Variants in EDDM13 observed in about 807,000 individuals in gnomAD.
EDDM13 encodes epididymal protein 13.
In EDDM13, 24 loss-of-function variants were observed where a neutral mutation model predicts 17.8. That is an observed-to-expected ratio of 1.35 (90% confidence interval 0.98 to 1.90). The LOEUF (loss-of-function observed/expected upper bound fraction) is 1.90, where lower values mean the gene tolerates loss of function less well. Ranked by LOEUF, EDDM13 falls within the 40% of genes most tolerant of loss-of-function variation. The pLI is 0.00. For synonymous variants in EDDM13, 31 were observed against 37.5 expected, an observed-to-expected ratio of 0.83 and a Z score of 0.63; for missense variants, 97 against 100.8, an observed-to-expected ratio of 0.96 and a Z score of 0.16.
intron 12 of EDDM13, 104 bp from the exon 13 acceptor site, chr19:56,301,864 G>C: frequency 8.2e-7 from 1 of 1,214,024 alleles, no homozygotes. Flanking sequence ...GAGGCAGGCA[G>C]AGATGTGAGT....
Position 56,302,009 on chromosome 19 carries a change from C to A in EDDM13, c.337C>A (p.Pro113Thr). ...SGTTPSRKPL[P>T]KRKNTWNFLK... ...CACCACCCCATCCAGGAAACCACTC[C>A]CCAAGAGGAAGAACACGTGGAACTT... is the stretch of plus-strand genomic sequence containing the variant. The change falls in exon 13 of 15, where the codon CCC becomes ACC. Residue 113 changes from proline (P) to threonine (T), a missense_variant. Pro to Thr is a conservative substitution (Grantham distance 38). Transcript: ENST00000649256. The A allele has an allele frequency of 8.1e-7, 1 of 1,232,024 alleles. No homozygotes were observed. Among genetic ancestry groups the A allele is most frequent in the Non-Finnish European group, 1.0e-6 (1 of 988,260 alleles). The allele number at this position is 1,232,024 out of a possible 1,614,324, so 76.3% of individuals were successfully genotyped here. A position where few individuals can be genotyped will look rare whatever the true frequency, so the allele number is the denominator to read the frequency against.
chr19:56,305,975 G>A (rs1200252406), intron 14 of EDDM13, among the ~76,000 whole-genome samples: 4 of 148,586 alleles, frequency 2.7e-5, no homozygotes, highest in South Asian at 4.5e-4. Context: ...GGGGGCAGGA[G>A]AAGGGGGAGG....
At chr19:56,303,102 A>G (rs1209990726) in intron 13 of EDDM13, 1 of 383,246 alleles carries the variant, frequency 2.6e-6, no homozygotes, top group Non-Finnish European at 4.6e-6. Context: ...GAATTAGCCA[A>G]TTGAGGAGGG....
chr19:56,302,578 TCCC>T (rs1241075613), intron 13 of EDDM13, among the ~76,000 whole-genome samples: 1 of 55,698 alleles, frequency 1.8e-5, no homozygotes, highest in Non-Finnish European at 2.9e-5. Context: ...CTTTTCTTCC[TCCC>T]CCTTTTCTTC....
At chr19:56,300,600 T>C (rs1441191207) in intron 12 of EDDM13, among the ~76,000 whole-genome samples, 5 of 152,240 alleles carry the variant, frequency 3.3e-5, no homozygotes, top group East Asian at 3.8e-4. Context: ...AAAAGATTAG[T>C]GTAAACGTTG....
chr19:56,304,706 T>C, intron 13 of EDDM13, 87 bp from the exon 14 acceptor site: 3 of 767,184 alleles, frequency 3.9e-6, no homozygotes, highest in Non-Finnish European at 4.8e-6. Context: ...GAGAGGGGGA[T>C]GGGGAGAAAG....
chr19:56,296,678 T>C (rs961231089), intron 11 of EDDM13, among the ~76,000 whole-genome samples: 1 of 152,158 alleles, frequency 6.6e-6, no homozygotes, highest in Non-Finnish European at 1.5e-5. Context: ...ATAGGTCTGC[T>C]GAAGGCTATT....
chr19:56,281,684 C>A lies in EDDM13; in HGVS notation c.104-9C>A, dbSNP rs2038717636. ...ATTCACTGGCTCCTGGCTCTGCTGC[C>A]CCTTCCAGTCAACTGTAAGTCATAT... On this transcript the variant is annotated splice_polypyrimidine_tract_variant and intron_variant, in intron 2 of 14. Transcript: ENST00000649256. 1.1e-5 allele frequency: 11 copies of A among 985,184 alleles called. No individual in the cohort carries two copies. The South Asian group carries it at 4.7e-4, about 42-fold the overall frequency. The allele number at this position is 985,184 out of a possible 1,614,324, so 61.0% of individuals were successfully genotyped here. A position where few individuals can be genotyped will look rare whatever the true frequency, so the allele number is the denominator to read the frequency against.
chr19:56,296,232 TC>T (rs1398225678), intron 10 of EDDM13, 103 bp from the exon 11 acceptor site: 1 of 152,432 alleles, frequency 6.6e-6, no homozygotes, highest in Non-Finnish European at 1.5e-5. Context: ...GCAGGGCTTC[TC>T]GGAGGAGGAG....
In EDDM13 at chr19:56,295,355, A is replaced by G. The variant is rs572890985; in HGVS notation, c.233-604A>G. Among the ~76,000 whole-genome samples, 3 of 152,216 alleles carry G rather than the reference A, an allele frequency of 2.0e-5. No individual in the cohort carries two copies. The South Asian group carries it at 6.2e-4, about 32-fold the overall frequency. ...ACACCTGTAATCCCAGCACTTTGGG[A>G]GGCTGATGCGGGCGGATCACCTCAG... is the stretch of plus-strand genomic sequence containing the variant. On this transcript the variant is annotated intron_variant, in intron 9 of 14. Coordinates refer to ENST00000649256, the MANE Select transcript of EDDM13 (RefSeq NM_001354658.2).
rs769097415 is a variant in EDDM13, at chr19:56,305,907, G to A, written c.461+1077G>A. On this transcript the variant is annotated intron_variant, in intron 14 of 14. Coordinates refer to ENST00000649256, the MANE Select transcript of EDDM13 (RefSeq NM_001354658.2). Reference sequence around the variant, plus strand: ...AGCCTCCAGGTGAAGGAACTGGCTTGTACGAAGGCCCTGGGGTGGAAAGTG... The same window carrying A: ...AGCCTCCAGGTGAAGGAACTGGCTTATACGAAGGCCCTGGGGTGGAAAGTG... Among the ~76,000 whole-genome samples the A allele has an allele frequency of 2.0e-5, 3 of 151,754 alleles. 1 individual carries two copies. The highest frequency in any genetic ancestry group is 6.6e-5 in the Admixed American group (1 of 15,214).
At chr19:56,280,663 G>A (rs1266355754) in intron 2 of EDDM13, 1 of 152,164 alleles carries the variant, frequency 6.6e-6, no homozygotes, top group Admixed American at 6.5e-5. Flanking sequence ...CAAGATTGAG[G>A]GGTTGGCATC....
intron 2 of EDDM13, among the ~76,000 whole-genome samples, chr19:56,280,358 C>T (rs1004795546): frequency 2.6e-5 from 4 of 152,016 alleles, no homozygotes; most frequent in African/African-American, 9.7e-5. Context: ...ATACTAATGG[C>T]CACTCAGGTT....
intron 9 of EDDM13, chr19:56,295,045 G>A (rs976891437): frequency 2.6e-5 from 4 of 152,270 alleles, no homozygotes; most frequent in Non-Finnish European, 4.4e-5. Context: ...AATGGCCAAC[G>A]GGTACACGGT....
intron 1 of EDDM13, among the ~76,000 whole-genome samples, chr19:56,274,291 T>G (rs1164430383): frequency 6.6e-6 from 1 of 151,874 alleles, no homozygotes; most frequent in Non-Finnish European, 1.5e-5. Context: ...CCATCTCTAC[T>G]AAAAATACAA....
chr19:56,297,240 G>A (rs113977347), intron 11 of EDDM13, among the ~76,000 whole-genome samples: 203 of 152,190 alleles, frequency 1.3e-3, no homozygotes, highest in African/African-American at 4.6e-3. Context: ...GGGACACAGG[G>A]AGACTAACTT....
chr19:56,302,539 C>CTTT (rs2040350750), intron 13 of EDDM13, among the ~76,000 whole-genome samples: 2 of 102,160 alleles, frequency 2.0e-5, no homozygotes, highest in East Asian at 2.7e-4. Flanking sequence ...CCTCTTCTTC[C>CTTT]TCCCCGTTCC....
At chr19:56,301,808 G>A in intron 12 of EDDM13, 160 bp from the exon 13 acceptor site, 1 of 721,910 alleles carries the variant, frequency 1.4e-6, no homozygotes, top group Non-Finnish European at 1.9e-6. Context: ...ACCAAGAAGG[G>A]GGAAGCTGGC....
intron 6 of EDDM13, among the ~76,000 whole-genome samples, chr19:56,287,217 C>T (rs1378563403): frequency 2.0e-5 from 3 of 152,236 alleles, no homozygotes; most frequent in African/African-American, 7.2e-5. Flanking sequence ...GAACTCTCCT[C>T]CTTGCCCATC....
Sources: gnomAD v4.1 joint callset for allele counts (sites outside exome capture counted in the v4.1 genomes callset) on GRCh38, gnomAD v4.1.1 for gene constraint, MANE v1.5 for transcripts, NCBI Gene and HGNC (gene_info 2026-07-23, HGNC 2026-07-21) for gene names.